The following SCAI variants were observed in gnomAD, a reference collection of about 807,000 sequenced individuals.
SCAI encodes protein SCAI.
A neutral mutation model predicts 92.2 loss-of-function variants in SCAI; 24 were observed. The ratio of observed to expected loss-of-function variants is 0.26; its 90% CI spans 0.19 to 0.37. The LOEUF is 0.37. Among genes scored for constraint, SCAI ranks in the 10% least tolerant of loss-of-function variants. SCAI has a pLI of 1.00. For synonymous variants in SCAI, 261 were observed against 258.6 expected (o/e 1.01, Z -0.09); for missense variants, 450 against 736.2 (o/e 0.61, Z 4.50).
chr9:125,004,617 C>T (rs531455523), intron 9 of SCAI, among the ~76,000 whole-genome samples: 1 of 150,470 alleles, frequency 6.6e-6, no homozygotes. Flanking sequence ...GCATAAGCCA[C>T]GATTCCTGAC....
At chr9:125,122,115 T>A (rs895104607) in intron 2 of SCAI, among the ~76,000 whole-genome samples, 2 of 152,216 alleles carry the variant, frequency 1.3e-5, no homozygotes, top group African/African-American at 2.4e-5. Flanking sequence ...GTGAACTATA[T>A]GTGAAAAGAC....
chr9:125,041,954 TTAAC>T (rs1833324869), intron 3 of SCAI, among the ~76,000 whole-genome samples: 1 of 152,146 alleles, frequency 6.6e-6, no homozygotes, highest in Non-Finnish European at 1.5e-5. Flanking sequence ...GCATCTAAAA[TTAAC>T]TAAGGTACTC....
At chr9:125,093,522 G>A (rs1019313908) in intron 2 of SCAI, among the ~76,000 whole-genome samples, 2 of 151,092 alleles carry the variant, frequency 1.3e-5, no homozygotes, top group Non-Finnish European at 2.9e-5. Context: ...GTGACAGTGT[G>A]AATTTTCATG....
intron 17 of SCAI, chr9:124,968,646 G>T: frequency 9.7e-7 from 1 of 1,026,338 alleles, no homozygotes; most frequent in Non-Finnish European, 1.6e-6. Context: ...TCTTTCATAG[G>T]TGGTCTCATC....
At chr9:125,047,370 C>T (rs1306282969) in intron 3 of SCAI, among the ~76,000 whole-genome samples, 1 of 152,166 alleles carries the variant, frequency 6.6e-6, no homozygotes, top group Non-Finnish European at 1.5e-5. Flanking sequence ...TGATCTTGGA[C>T]TTCCGGCCTC....
At chr9:124,962,982 A>G (rs572011755) in intron 17 of SCAI, among the ~76,000 whole-genome samples, 2 of 151,404 alleles carry the variant, frequency 1.3e-5, no homozygotes, top group South Asian at 2.1e-4. Flanking sequence ...TATTTTTAGT[A>G]GAGATGGGGT....
intron 4 of SCAI, among the ~76,000 whole-genome samples, chr9:125,029,232 G>C (rs781487078): frequency 6.6e-6 from 1 of 151,986 alleles, no homozygotes; most frequent in Admixed American, 6.5e-5. Context: ...AGCGATTCTC[G>C]TGCCACAGCC....
intron 2 of SCAI, among the ~76,000 whole-genome samples, chr9:125,107,017 G>C (rs1834815954): frequency 6.6e-6 from 1 of 151,776 alleles, no homozygotes; most frequent in Non-Finnish European, 1.5e-5. Flanking sequence ...GCCTGGCCTT[G>C]AGTTATTTTT....
At chr9:124,962,004 C>G (rs1474852770) in intron 17 of SCAI, among the ~76,000 whole-genome samples, 4 of 151,684 alleles carry the variant, frequency 2.6e-5, no homozygotes, top group African/African-American at 9.7e-5. Context: ...AGCTGCTTCT[C>G]GTGTTAACAT....
At chr9:125,014,084 G>A (rs1295942048) in intron 9 of SCAI, among the ~76,000 whole-genome samples, 1 of 152,040 alleles carries the variant, frequency 6.6e-6, no homozygotes, top group Non-Finnish European at 1.5e-5. Context: ...TACTGAATGG[G>A]CAAAAACTGG....
intron 15 of SCAI, among the ~76,000 whole-genome samples, chr9:124,974,433 G>A (rs1228691987): frequency 1.4e-5 from 2 of 145,000 alleles, no homozygotes; most frequent in Non-Finnish European, 3.0e-5. Flanking sequence ...GAGTGACAGA[G>A]TGAGACCCCA....
At chr9:125,033,158 G>T (rs1160541287) in intron 3 of SCAI, among the ~76,000 whole-genome samples, 1 of 151,512 alleles carries the variant, frequency 6.6e-6, no homozygotes, top group Non-Finnish European at 1.5e-5. Flanking sequence ...GAGACCAGGG[G>T]TTTAAGTTCA....
At chr9:125,067,584 G>A (rs1473823680) in intron 2 of SCAI, among the ~76,000 whole-genome samples, 1 of 152,152 alleles carries the variant, frequency 6.6e-6, no homozygotes, top group Non-Finnish European at 1.5e-5. Flanking sequence ...TCGCTAAGAA[G>A]GAACCAATTC....
At position 124,953,025 on chromosome 9, in the gene SCAI, G is replaced by T. The variant is rs140261553; in HGVS notation, c.1675-72C>A. ...GAAAATTATACACATTGATAACAGT[G>T]TCAAGGAGTAATATGTATTTTCACT... On this transcript the variant is annotated intron_variant, in intron 17 of 17. Transcript: ENST00000336505. The T allele has an allele frequency of 1.2e-4, 151 of 1,210,244 alleles. No individual in the cohort carries two copies. In the African/African-American group the frequency reaches 2.0e-3, roughly 16 times the overall value. 75.0% of individuals were successfully genotyped at this position (1,210,244 alleles called of 1,614,324 possible). A position where few individuals can be genotyped will look rare whatever the true frequency, so the allele number is the denominator to read the frequency against.
chr9:125,020,098 A>C (rs867206356), intron 7 of SCAI, among the ~76,000 whole-genome samples: 12 of 150,986 alleles, frequency 7.9e-5, no homozygotes, highest in Admixed American at 2.6e-4. Context: ...AAAAAAAAAA[A>C]CCCCACAAAA....
intron 2 of SCAI, among the ~76,000 whole-genome samples, chr9:125,141,386 A>T (rs1835662747): frequency 6.6e-6 from 1 of 152,248 alleles, no homozygotes; most frequent in African/African-American, 2.4e-5. Flanking sequence ...TACTGGTCAC[A>T]TAACTACAGT....
intron 3 of SCAI, among the ~76,000 whole-genome samples, chr9:125,032,237 G>C (rs1833092189): frequency 7.4e-6 from 1 of 135,256 alleles, no homozygotes; most frequent in Admixed American, 8.1e-5. Context: ...CTGTCACCAG[G>C]CTGGAGTGCA....
chr9:125,142,456 C>A, intron 2 of SCAI, 177 bp downstream of exon 2: 1 of 496,454 alleles, frequency 2.0e-6, no homozygotes, highest in South Asian at 2.9e-5. Flanking sequence ...AAAAAATCGA[C>A]TGTAGAGGTA....
At chr9:125,027,571 G>A (rs989366577) in intron 5 of SCAI, among the ~76,000 whole-genome samples, 6 of 152,170 alleles carry the variant, frequency 3.9e-5, no homozygotes, top group Admixed American at 2.0e-4. Flanking sequence ...CCAGGCTGGA[G>A]TGCCAATGGC....
Sources: allele counts gnomAD v4.1 joint callset (sites outside exome capture counted in the v4.1 genomes callset), GRCh38; gene constraint gnomAD v4.1.1; transcripts MANE v1.5; gene names NCBI Gene and HGNC (gene_info 2026-07-23, HGNC 2026-07-21).